MYLK: variants seen among roughly 807,000 people sequenced by gnomAD.
MYLK encodes myosin light chain kinase, also known as myosin light chain kinase, smooth muscle.
Under a neutral mutation model 203.4 loss-of-function variants are expected in MYLK, and 106 were observed. The ratio of observed to expected loss-of-function variants is 0.52; its 90% CI spans 0.45 to 0.61. The LOEUF (loss-of-function observed/expected upper bound fraction) is 0.61, where lower values mean the gene tolerates loss of function less well. Ranked by LOEUF, MYLK falls within the 20% of genes least tolerant of loss-of-function variation. The pLI, the probability that MYLK is intolerant of heterozygous loss-of-function variation, is 0.00. For synonymous variants in MYLK, 867 were observed against 959.5 expected, an observed-to-expected ratio of 0.90 and a Z score of 1.78; for missense variants, 2,072 against 2,442.3, an observed-to-expected ratio of 0.85 and a Z score of 3.20.
chr3:123,856,529 T>C (rs1357581835), intron 2 of MYLK, among the ~76,000 whole-genome samples: 1 of 152,240 alleles, frequency 6.6e-6, no homozygotes, highest in Admixed American at 6.5e-5. Flanking sequence ...AATAACAGCC[T>C]TTATTTAATG....
At chr3:123,796,969 T>A (rs2065009465) in intron 3 of MYLK, among the ~76,000 whole-genome samples, 1 of 152,180 alleles carries the variant, frequency 6.6e-6, no homozygotes, top group African/African-American at 2.4e-5. Flanking sequence ...ATAAGAACAC[T>A]ATTTGCATTA....
chr3:123,652,066 G>A (rs1182479492), intron 24 of MYLK, among the ~76,000 whole-genome samples: 1 of 152,192 alleles, frequency 6.6e-6, no homozygotes, highest in African/African-American at 2.4e-5. Context: ...GTGCAACAGA[G>A]TGAGACCCGA....
At chr3:123,881,513 C>T (rs922813993) in intron 1 of MYLK, among the ~76,000 whole-genome samples, 5 of 152,092 alleles carry the variant, frequency 3.3e-5, no homozygotes, top group Non-Finnish European at 7.4e-5. Flanking sequence ...GTGAGAGGTG[C>T]AGCTGGGCTT....
At chr3:123,708,582 G>C in intron 15 of MYLK, 116 bp downstream of exon 15, 2 of 1,155,862 alleles carry the variant, frequency 1.7e-6, no homozygotes, top group South Asian at 2.9e-5. Flanking sequence ...ACTGAGGGAC[G>C]AGAGGGCCCT....
rs550808443 is a variant in MYLK at position 123,707,501 on chromosome 3, A to G, written c.2390+253T>C. Among the ~76,000 whole-genome samples, 95 of 152,258 alleles carry G rather than the reference A, an allele frequency of 6.2e-4. 1 individual carries two copies. Among genetic ancestry groups the G allele is most frequent in the Admixed American group, 3.7e-3 (57 of 15,302 alleles). On this transcript the variant is annotated intron_variant, in intron 16 of 33. Transcript: ENST00000360304. ...CCTTCATACTCACCATACACCACATAATGGGGGAACAAGGATGTAACAAGA... is the reference window on the plus strand; with the variant it reads ...CCTTCATACTCACCATACACCACATGATGGGGGAACAAGGATGTAACAAGA...
chr3:123,851,324 T>G (rs970091143), intron 2 of MYLK, among the ~76,000 whole-genome samples: 1 of 152,192 alleles, frequency 6.6e-6, no homozygotes, highest in Admixed American at 6.5e-5. Flanking sequence ...AATCTATAAA[T>G]TACCTTGGGC....
intron 2 of MYLK, among the ~76,000 whole-genome samples, chr3:123,871,181 C>T (rs1294022045): frequency 1.3e-5 from 2 of 152,168 alleles, no homozygotes; most frequent in Admixed American, 6.5e-5. Context: ...CTCCATGTCC[C>T]CTTTCCCAAC....
At chr3:123,620,913 C>T (rs2057820869) in intron 31 of MYLK, 1 of 155,458 alleles carries the variant, frequency 6.4e-6, no homozygotes, top group Admixed American at 6.2e-5. Context: ...CTCCAAGGTC[C>T]CATTTAGCTC....
At chr3:123,793,374 C>T (rs998025553) in intron 4 of MYLK, among the ~76,000 whole-genome samples, 14 of 152,144 alleles carry the variant, frequency 9.2e-5, no homozygotes, top group African/African-American at 1.9e-4. Context: ...TTCCTGCCAC[C>T]GGACCGCGTC....
At chr3:123,767,116 G>A (rs1024838190) in intron 4 of MYLK, among the ~76,000 whole-genome samples, 2 of 152,100 alleles carry the variant, frequency 1.3e-5, no homozygotes, top group South Asian at 4.1e-4. Context: ...TCCTCCTCCC[G>A]CCAGTGTCCC....
At chr3:123,829,021 T>C (rs1327765531) in intron 3 of MYLK, among the ~76,000 whole-genome samples, 1 of 151,772 alleles carries the variant, frequency 6.6e-6, no homozygotes. Flanking sequence ...ATAGCAACTA[T>C]GAAAACCAAT....
intron 29 of MYLK, among the ~76,000 whole-genome samples, chr3:123,634,542 G>C (rs2058565583): frequency 6.6e-6 from 1 of 152,338 alleles, no homozygotes; most frequent in Middle Eastern, 3.4e-3. Context: ...GCTGACAGCT[G>C]TCTGCACCAC....
At chr3:123,683,088 C>G (rs554959819) in intron 19 of MYLK, among the ~76,000 whole-genome samples, 83 of 152,118 alleles carry the variant, frequency 5.5e-4, no homozygotes, top group Non-Finnish European at 9.1e-4. Flanking sequence ...CTCACTGGCC[C>G]CCAGGACACT....
chr3:123,682,420 C>T (rs1277313758), intron 19 of MYLK, 110 bp from the exon 20 acceptor site: 7 of 848,296 alleles, frequency 8.3e-6, no homozygotes, highest in Admixed American at 2.0e-5. Context: ...ACTCTGAGGG[C>T]CCTTTGTGCC....
At chr3:123,681,934 A>G (rs2060279059) in intron 20 of MYLK, 3 of 460,316 alleles carry the variant, frequency 6.5e-6, no homozygotes, top group Non-Finnish European at 1.2e-5. Context: ...GGGAAGTGAA[A>G]GGGCATGAAG....
intron 3 of MYLK, among the ~76,000 whole-genome samples, chr3:123,822,766 G>A (rs763869237): frequency 2.0e-5 from 3 of 152,130 alleles, no homozygotes; most frequent in Non-Finnish European, 4.4e-5. Flanking sequence ...AGCCTCTTCT[G>A]CCTAGGAAGG....
chr3:123,627,891 CA>C (rs1385695449), intron 30 of MYLK, among the ~76,000 whole-genome samples: 1 of 152,180 alleles, frequency 6.6e-6, no homozygotes, highest in African/African-American at 2.4e-5. Flanking sequence ...GGATCCAGTA[CA>C]GCCTGTTACT....
In MYLK at chr3:123,737,503, G is replaced by C; in HGVS notation, c.629C>G (p.Ser210Cys). ...PLQPSARVSVSEKNGMQVLEI... is the reference protein window; with the variant it reads ...PLQPSARVSVCEKNGMQVLEI... ...CAGAACCTGCATGCCGTTCTTCTCA[G>C]ACACAGACACACGGGCACTCGGCTG... The change falls in exon 8 of 34, where the codon TCT becomes TGT. Residue 210 changes from serine (S) to cysteine (C), a missense_variant. Coordinates refer to ENST00000360304, the MANE Select transcript of MYLK (RefSeq NM_053025.4). 6.2e-7 allele frequency: 1 copy of C among 1,614,192 alleles called. No individual in the cohort carries two copies. The highest frequency in any genetic ancestry group is 8.5e-7 in the Non-Finnish European group (1 of 1,180,052).
At chr3:123,655,242 A>C (rs1302718879) in intron 24 of MYLK, among the ~76,000 whole-genome samples, 1 of 151,994 alleles carries the variant, frequency 6.6e-6, no homozygotes, top group East Asian at 1.9e-4. Flanking sequence ...TTTATTTAGC[A>C]TTGGATGCAG....
Sources: gnomAD v4.1 joint callset for allele counts (sites outside exome capture counted in the v4.1 genomes callset) on GRCh38, gnomAD v4.1.1 for gene constraint, MANE v1.5 for transcripts, NCBI Gene and HGNC (gene_info 2026-07-23, HGNC 2026-07-21) for gene names.